CEP135: variants seen among roughly 807,000 people sequenced by gnomAD.
CEP135 encodes centrosomal protein 135, also known as centrosomal protein of 135 kDa.
In CEP135, 142 loss-of-function variants were observed where a neutral mutation model predicts 157.3. The ratio of observed to expected loss-of-function variants is 0.90; its 90% CI spans 0.79 to 1.04. The LOEUF is 1.04. CEP135 is among the 50% of genes least tolerant of loss of function. CEP135 has a pLI of 0.00. For missense variants in CEP135, 1,317 were observed against 1,309.2 expected (o/e 1.01, Z -0.09); for synonymous variants, 396 against 439.8 (o/e 0.90, Z 1.25).
At position 55,965,787 on chromosome 4, in the gene CEP135, G is replaced by A. The variant is rs1251705513; in HGVS notation, c.972G>A (p.Gln324=). ...GCCAAGAATTAACTGAAATAGATCA[G>A]TTAGCACAGCAGTTGGAAAGACATA... The part of the protein sequence containing the change: ...KLCQELTEID[Q]LAQQLERHKE... Residue 324 remains glutamine, a synonymous_variant, in exon 8 of 26, where the codon CAG becomes CAA. Transcript: ENST00000257287. 6.2e-7 allele frequency: 1 copy of A among 1,613,718 alleles called. No individual in the cohort carries two copies. Among genetic ancestry groups the A allele is most frequent in the Admixed American group, 1.7e-5 (1 of 60,004 alleles).
intron 15 of CEP135, among the ~76,000 whole-genome samples, chr4:55,995,025 A>G (rs1287486388): frequency 6.6e-6 from 1 of 152,142 alleles, no homozygotes; most frequent in Non-Finnish European, 1.5e-5. Context: ...TCTTTTGTCT[A>G]GTTTCTTTGT....
chr4:56,008,815 T>C (rs1730455119), intron 18 of CEP135, among the ~76,000 whole-genome samples: 1 of 152,238 alleles, frequency 6.6e-6, no homozygotes, highest in Non-Finnish European at 1.5e-5. Context: ...ATTATATTTA[T>C]TTTACATACC....
At chr4:55,987,166 G>A (rs1359576666) in intron 14 of CEP135, among the ~76,000 whole-genome samples, 2 of 151,966 alleles carry the variant, frequency 1.3e-5, no homozygotes, top group East Asian at 1.9e-4. Context: ...TTTTGAGTAC[G>A]CTACCTGTTG....
chr4:55,991,457 G>T (rs1019072877), intron 14 of CEP135, among the ~76,000 whole-genome samples: 2 of 150,562 alleles, frequency 1.3e-5, no homozygotes, highest in African/African-American at 4.9e-5. Context: ...ACAATATTGT[G>T]CTCCCATCAA....
intron 21 of CEP135, among the ~76,000 whole-genome samples, chr4:56,015,490 G>T (rs1039993584): frequency 6.6e-6 from 1 of 152,242 alleles, no homozygotes; most frequent in African/African-American, 2.4e-5. Flanking sequence ...GCCCCTGTGG[G>T]ACACAGGGTG....
intron 14 of CEP135, among the ~76,000 whole-genome samples, chr4:55,989,886 A>G (rs1371861065): frequency 1.3e-5 from 2 of 152,196 alleles, no homozygotes; most frequent in African/African-American, 4.8e-5. Flanking sequence ...GGCATACCCT[A>G]TGAGCCAACA....
At chr4:55,990,216 C>A (rs1389138005) in intron 14 of CEP135, among the ~76,000 whole-genome samples, 1 of 152,114 alleles carries the variant, frequency 6.6e-6, no homozygotes, top group African/African-American at 2.4e-5. Flanking sequence ...GTTTTGAATA[C>A]ACAAACATCA....
At chr4:56,000,465 A>G (rs1470470620) in intron 17 of CEP135, among the ~76,000 whole-genome samples, 1 of 152,170 alleles carries the variant, frequency 6.6e-6, no homozygotes, top group African/African-American at 2.4e-5. Context: ...ATTTGTGCCC[A>G]TTAATCAACC....
At chr4:56,026,581 C>T (rs918211291) in intron 25 of CEP135, among the ~76,000 whole-genome samples, 41 of 152,198 alleles carry the variant, frequency 2.7e-4, no homozygotes, top group Non-Finnish European at 4.1e-4. Context: ...AATTACTCCT[C>T]CTTCTGTTCA....
At chr4:55,994,502 A>AT (rs1183055241) in intron 15 of CEP135, among the ~76,000 whole-genome samples, 2 of 152,058 alleles carry the variant, frequency 1.3e-5, no homozygotes, top group Non-Finnish European at 2.9e-5. Context: ...AGCTGTGCTC[A>AT]TGCCACTGTA....
rs116765470 is a variant in CEP135, at chr4:55,978,486, T to C, written c.1474-1657T>C. On this transcript the variant is annotated intron_variant, in intron 11 of 25. Coordinates refer to ENST00000257287, the MANE Select transcript of CEP135 (RefSeq NM_025009.5). Reference sequence around the variant, plus strand: ...CACCTAAACAGTAATAAAAATAGATTGTCAAATCTTTGTTTATTGAGCCCT... The same window carrying C: ...CACCTAAACAGTAATAAAAATAGATCGTCAAATCTTTGTTTATTGAGCCCT... Among the ~76,000 whole-genome samples, 646 of 152,300 alleles carry C rather than the reference T, an allele frequency of 4.2e-3. 1 individual carries two copies. Among genetic ancestry groups the C allele is most frequent in the African/African-American group, 0.015 (613 of 41,562 alleles).
At chr4:55,958,233 A>G (rs1018419313) in intron 5 of CEP135, among the ~76,000 whole-genome samples, 7 of 152,142 alleles carry the variant, frequency 4.6e-5, no homozygotes, top group Non-Finnish European at 1.0e-4. Flanking sequence ...CCATGAATTC[A>G]AGACCAGCCT....
chr4:55,953,310 G>T lies in CEP135; in HGVS notation c.304+35G>T, dbSNP rs756754276. Reference sequence around the variant, plus strand: ...AATTTGATAATTTTTAAAATGCAATGTCTTTGTCCTTTTTATTTTAGAAGG... The same window carrying T: ...AATTTGATAATTTTTAAAATGCAATTTCTTTGTCCTTTTTATTTTAGAAGG... On this transcript the variant is annotated intron_variant, in intron 3 of 25. Transcript: ENST00000257287. The T allele has an allele frequency of 1.2e-5, 16 of 1,374,200 alleles. No individual in the cohort carries two copies. The South Asian group carries it at 2.5e-4, about 21-fold the overall frequency. The allele number at this position is 1,374,200 out of a possible 1,614,324, so 85.1% of individuals were successfully genotyped here. A position where few individuals can be genotyped will look rare whatever the true frequency, so the allele number is the denominator to read the frequency against.
At chr4:55,969,953 G>A (rs142052736) in intron 9 of CEP135, among the ~76,000 whole-genome samples, 403 of 151,934 alleles carry the variant, frequency 2.7e-3, no homozygotes, top group African/African-American at 9.2e-3. Context: ...GCTCCCTGCA[G>A]CCTTGAACCC....
intron 17 of CEP135, among the ~76,000 whole-genome samples, chr4:56,001,084 G>A (rs995467481): frequency 1.3e-5 from 2 of 152,010 alleles, no homozygotes; most frequent in South Asian, 2.1e-4. Flanking sequence ...ATCTTTGCCC[G>A]TTTTAAAATT....
At chr4:55,984,500 A>G (rs751426332) in intron 13 of CEP135, among the ~76,000 whole-genome samples, 1 of 152,210 alleles carries the variant, frequency 6.6e-6, no homozygotes, top group Non-Finnish European at 1.5e-5. Context: ...TACAGTAGCT[A>G]TGCTGTCAGA....
intron 15 of CEP135, among the ~76,000 whole-genome samples, chr4:55,997,670 C>T (rs1019016724): frequency 6.8e-6 from 1 of 146,170 alleles, no homozygotes; most frequent in African/African-American, 2.6e-5. Context: ...TTTCTTTGCC[C>T]TTACTTTCTT....
intron 19 of CEP135, among the ~76,000 whole-genome samples, chr4:56,010,184 C>G (rs28516070): frequency 1.7e-5 from 2 of 116,856 alleles, no homozygotes; most frequent in Admixed American, 9.3e-5. Flanking sequence ...AACCCCCCCC[C>G]CACCCCCATC....
At chr4:55,980,071 C>CAATCTCATCATCAGT in intron 11 of CEP135, 72 bp from the exon 12 acceptor site, 9 of 1,213,888 alleles carry the variant, frequency 7.4e-6, no homozygotes, top group Non-Finnish European at 1.1e-5. Flanking sequence ...ATCTTTCAGT[C>CAATCTCATCATCAGT]AATCTCATCA....
Sources: allele counts gnomAD v4.1 joint callset (sites outside exome capture counted in the v4.1 genomes callset), GRCh38; gene constraint gnomAD v4.1.1; transcripts MANE v1.5; gene names NCBI Gene and HGNC (gene_info 2026-07-23, HGNC 2026-07-21).